The following AKAP6 variants were observed in gnomAD, a reference collection of about 807,000 sequenced individuals.
The protein encoded by AKAP6 is A-kinase anchoring protein 6.
In AKAP6, 58 loss-of-function variants were observed where a neutral mutation model predicts 188.5. The ratio of observed to expected loss-of-function variants is 0.31; its 90% CI spans 0.25 to 0.38. The LOEUF (loss-of-function observed/expected upper bound fraction) is 0.38. Among genes scored for constraint, AKAP6 ranks in the 10% least tolerant of loss-of-function variants. The pLI is 1.00. For missense variants in AKAP6, 2,710 were observed against 2,740.0 expected, an observed-to-expected ratio of 0.99 and a Z score of 0.24; for synonymous variants, 989 against 998.6, an observed-to-expected ratio of 0.99 and a Z score of 0.18.
chr14:32,427,273 G>A (rs17099069), intron 1 of AKAP6, among the ~76,000 whole-genome samples: 4,067 of 152,304 alleles, frequency 0.027, 99 homozygotes, highest in East Asian at 0.083. Flanking sequence ...GTTACTCTGC[G>A]TGAGTGCTGG....
intron 11 of AKAP6, among the ~76,000 whole-genome samples, chr14:32,769,038 T>TA (rs1491314549): frequency 0.036 from 1,530 of 42,228 alleles, 63 homozygotes; most frequent in African/African-American, 0.15. Flanking sequence ...GCTCTTTTGA[T>TA]TTTTTTTTTT....
intron 2 of AKAP6, among the ~76,000 whole-genome samples, chr14:32,437,600 T>C (rs1890425697): frequency 6.6e-6 from 1 of 152,048 alleles, no homozygotes; most frequent in Non-Finnish European, 1.5e-5. Flanking sequence ...TTTATTATTA[T>C]TATTATCATT....
intron 8 of AKAP6, among the ~76,000 whole-genome samples, chr14:32,693,191 G>A (rs1207717322): frequency 6.6e-6 from 1 of 152,118 alleles, no homozygotes; most frequent in Non-Finnish European, 1.5e-5. Context: ...CTCCCACAGA[G>A]GGCTGTAGCT....
In AKAP6 at chr14:32,546,273, C is replaced by G; in HGVS notation, c.1620C>G (p.Ala540=). 1 of 1,614,104 alleles carries G rather than the reference C, an allele frequency of 6.2e-7. No homozygotes were observed. The highest frequency in any genetic ancestry group is 2.2e-5 in the East Asian group (1 of 44,878). ...GAGAGCTTTCTTATACTTCCAAGGC[C>G]ATAGAGGGGCCACAAACAAATTCTG... ...PNGELSYTSK[A]IEGPQTNSAS... The change falls in exon 4 of 14, where the codon GCC becomes GCG. Residue 540 remains alanine (A), a synonymous_variant. Transcript: ENST00000280979.
intron 10 of AKAP6, chr14:32,732,925 C>T: frequency 2.1e-6 from 1 of 483,800 alleles, no homozygotes. Context: ...GACTGTCATG[C>T]TTGAATGAAT....
chr14:32,727,699 C>T (rs531062989), intron 9 of AKAP6, among the ~76,000 whole-genome samples: 3 of 152,100 alleles, frequency 2.0e-5, no homozygotes, highest in Non-Finnish European at 4.4e-5. Context: ...TTAATTTTTC[C>T]AAAGGCTCAG....
In AKAP6 at chr14:32,797,936, A is replaced by C. The variant is rs2033822478; in HGVS notation, c.3589-23466A>C. On this transcript the variant is annotated intron_variant, in intron 12 of 13. Coordinates refer to ENST00000280979, the MANE Select transcript of AKAP6 (RefSeq NM_004274.5). The stretch of plus-strand genomic sequence containing the variant: ...AATGCTTCTGCACAGAAAAAAAAAA[A>C]AAAACCATTAACAGAGCAAACAACC... Among the ~76,000 whole-genome samples, 3 of 151,818 alleles carry C rather than the reference A, an allele frequency of 2.0e-5. 1 individual carries two copies. In the South Asian group the frequency reaches 6.2e-4, roughly 32 times the overall value.
intron 7 of AKAP6, among the ~76,000 whole-genome samples, chr14:32,615,591 C>CTTTTTTTTTTTTTTTTTTTTT (rs779867395): frequency 2.6e-5 from 3 of 115,262 alleles, no homozygotes; most frequent in African/African-American, 1.2e-4. Context: ...TAAACCATTA[C>CTTTTTTTTTTTTTTTTTTTTT]TTTTTTTTTT....
At chr14:32,746,971 C>T (rs1302623901) in intron 11 of AKAP6, among the ~76,000 whole-genome samples, 1 of 152,080 alleles carries the variant, frequency 6.6e-6, no homozygotes, top group Non-Finnish European at 1.5e-5. Flanking sequence ...AAATGTGCAC[C>T]ATTGACAAGT....
At chr14:32,728,282 G>T (rs556025149) in intron 9 of AKAP6, among the ~76,000 whole-genome samples, 77 of 126,424 alleles carry the variant, frequency 6.1e-4, no homozygotes, top group African/African-American at 2.3e-3. Flanking sequence ...TGGTGTTTTG[G>T]TATGTTCCTA....
chr14:32,459,584 A>G (rs1184394476), intron 2 of AKAP6, among the ~76,000 whole-genome samples: 1 of 151,782 alleles, frequency 6.6e-6, no homozygotes, highest in Non-Finnish European at 1.5e-5. Context: ...AAAGGCATAC[A>G]TATAAGAAAA....
In AKAP6 at chr14:32,595,452, T is replaced by A. The variant is rs1192358088; in HGVS notation, c.2470-3958T>A. 3.9e-5 allele frequency among the ~76,000 whole-genome samples: 6 copies of A among 152,170 alleles called. No individual in the cohort carries two copies. In the East Asian group the frequency reaches 1.2e-3, roughly 29 times the overall value. On this transcript the variant is annotated intron_variant, in intron 5 of 13. Coordinates refer to ENST00000280979, the MANE Select transcript of AKAP6 (RefSeq NM_004274.5). ...GCTCTGCTGAACCTGGATCCCAGCA[T>A]GGGCTCCCACAAACCCTATCCAGCT... is the stretch of plus-strand genomic sequence containing the variant.
chr14:32,503,080 A>G (rs1880684964), intron 2 of AKAP6, among the ~76,000 whole-genome samples: 1 of 152,114 alleles, frequency 6.6e-6, no homozygotes, highest in Non-Finnish European at 1.5e-5. Context: ...TGCCTATTTC[A>G]TGTGCCTTTC....
chr14:32,628,549 A>C (rs974391348), intron 7 of AKAP6, among the ~76,000 whole-genome samples: 4 of 152,108 alleles, frequency 2.6e-5, no homozygotes, highest in African/African-American at 9.7e-5. Flanking sequence ...GTTTAGGGAA[A>C]AAAAGAAAGG....
intron 4 of AKAP6, among the ~76,000 whole-genome samples, chr14:32,556,597 C>G (rs1386614657): frequency 2.6e-5 from 4 of 152,204 alleles, no homozygotes; most frequent in Admixed American, 1.3e-4. Flanking sequence ...CCTGCCTCAA[C>G]CTCCCAAAGT....
intron 1 of AKAP6, among the ~76,000 whole-genome samples, chr14:32,394,494 T>A (rs1490530049): frequency 6.6e-6 from 1 of 152,012 alleles, no homozygotes; most frequent in East Asian, 1.9e-4. Context: ...AAGAATAAAA[T>A]AAAAAATGTG....
At chr14:32,405,296 A>G (rs915985911) in intron 1 of AKAP6, among the ~76,000 whole-genome samples, 12 of 152,186 alleles carry the variant, frequency 7.9e-5, no homozygotes, top group East Asian at 1.9e-4. Flanking sequence ...TGCATGCTCC[A>G]TACTGGCTGA....
chr14:32,462,071 G>A (rs975459795), intron 2 of AKAP6, among the ~76,000 whole-genome samples: 1 of 152,036 alleles, frequency 6.6e-6, no homozygotes, highest in South Asian at 2.1e-4. Flanking sequence ...CAAGAAATAT[G>A]GGACTATGTG....
At chr14:32,679,409 C>T (rs1469351318) in intron 8 of AKAP6, among the ~76,000 whole-genome samples, 1 of 151,956 alleles carries the variant, frequency 6.6e-6, no homozygotes, top group African/African-American at 2.4e-5. Context: ...GAAACTATTC[C>T]CCAAAGTTAC....
Sources: allele counts gnomAD v4.1 joint callset (sites outside exome capture counted in the v4.1 genomes callset), GRCh38; gene constraint gnomAD v4.1.1; transcripts MANE v1.5; gene names NCBI Gene and HGNC (gene_info 2026-07-23, HGNC 2026-07-21).